GPC5: variants seen among roughly 807,000 people sequenced by gnomAD.
GPC5 encodes the protein glypican 5.
GPC5 carries 47 observed loss-of-function variants against 53.9 expected under a neutral mutation model. That is an observed-to-expected ratio of 0.87 (90% CI 0.69 to 1.11). The LOEUF (loss-of-function observed/expected upper bound fraction) is 1.11, where lower values mean the gene tolerates loss of function less well. Among genes scored for constraint, GPC5 ranks in the 50% most tolerant of loss-of-function variants. GPC5 has a pLI of 0.00. For missense variants in GPC5, 748 were observed against 713.1 expected (o/e 1.05, Z -0.56); for synonymous variants, 286 against 263.3 (o/e 1.09, Z -0.84).
At chr13:91,541,987 ATATTGTGATTT>A (rs1566489650) in intron 2 of GPC5, among the ~76,000 whole-genome samples, 2 of 149,254 alleles carry the variant, frequency 1.3e-5, no homozygotes, top group Non-Finnish European at 3.0e-5. Context: ...ATATTGTCAC[ATATTGTGATTT>A]TTTCCCATTT....
chr13:92,156,450 C>T (rs1379695708), intron 7 of GPC5, among the ~76,000 whole-genome samples: 3 of 152,108 alleles, frequency 2.0e-5, no homozygotes, highest in Admixed American at 6.5e-5. Context: ...TAACTTGCTG[C>T]ATTGCTTCCC....
Position 91,748,655 on chromosome 13 carries a change from G to A in GPC5, c.1155-7640G>A, listed in dbSNP as rs75647734. Among the ~76,000 whole-genome samples the A allele has an allele frequency of 1.2e-3, 183 of 152,266 alleles. 2 individuals carry two copies. Among genetic ancestry groups the A allele is most frequent in the African/African-American group, 4.1e-3 (171 of 41,548 alleles). On this transcript the variant is annotated intron_variant, in intron 4 of 7. Coordinates refer to ENST00000377067, the MANE Select transcript of GPC5 (RefSeq NM_004466.6). The stretch of plus-strand genomic sequence containing the variant: ...TTGGGAAGGTAGATTGGCATACAGG[G>A]GGATTATAATACTAGAGAGCAAGGG...
At chr13:91,762,411 A>G (rs1211193243) in intron 5 of GPC5, among the ~76,000 whole-genome samples, 1 of 149,780 alleles carries the variant, frequency 6.7e-6, no homozygotes, top group African/African-American at 2.5e-5. Context: ...CATTTTTCCT[A>G]TTTAACATCT....
intron 7 of GPC5, among the ~76,000 whole-genome samples, chr13:92,231,953 G>A (rs559868992): frequency 1.3e-5 from 2 of 152,182 alleles, no homozygotes; most frequent in South Asian, 4.1e-4. Context: ...GCAGAAGAGC[G>A]AAACTCCATC....
At chr13:92,613,535 A>G (rs1380627637) in intron 7 of GPC5, among the ~76,000 whole-genome samples, 1 of 124,360 alleles carries the variant, frequency 8.0e-6, no homozygotes, top group Non-Finnish European at 1.6e-5. Flanking sequence ...ATTTATATAT[A>G]AAATATAATA....
chr13:91,918,720 C>T (rs542805447), intron 6 of GPC5, among the ~76,000 whole-genome samples: 1 of 152,272 alleles, frequency 6.6e-6, no homozygotes, highest in South Asian at 2.1e-4. Context: ...TTTAACAGCA[C>T]TTATCCATGT....
chr13:92,387,625 G>T (rs1007839925), intron 7 of GPC5, among the ~76,000 whole-genome samples: 16 of 152,038 alleles, frequency 1.1e-4, no homozygotes, highest in Admixed American at 3.3e-4. Flanking sequence ...CCTGTGTGTG[G>T]GAATATATGA....
At chr13:92,131,584 T>C (rs2138962496) in intron 6 of GPC5, among the ~76,000 whole-genome samples, 1 of 152,168 alleles carries the variant, frequency 6.6e-6, no homozygotes, top group East Asian at 1.9e-4. Context: ...CAGGAGCATG[T>C]ATACTGCATG....
At chr13:91,689,112 G>A (rs1258776939) in intron 2 of GPC5, among the ~76,000 whole-genome samples, 1 of 142,926 alleles carries the variant, frequency 7.0e-6, no homozygotes, top group African/African-American at 2.6e-5. Flanking sequence ...TAGGCTACAG[G>A]GAGCTATGAT....
At chr13:91,662,077 A>T (rs1208241884) in intron 2 of GPC5, among the ~76,000 whole-genome samples, 1 of 152,198 alleles carries the variant, frequency 6.6e-6, no homozygotes, top group Non-Finnish European at 1.5e-5. Context: ...AAGCTATGAG[A>T]TTGGATGAGA....
intron 7 of GPC5, among the ~76,000 whole-genome samples, chr13:92,720,370 C>A (rs1594453188): frequency 6.6e-6 from 1 of 152,030 alleles, no homozygotes; most frequent in African/African-American, 2.4e-5. Flanking sequence ...TAAGCAGAGG[C>A]ATTTGGAAAT....
At chr13:91,881,585 C>T (rs1468286600) in intron 5 of GPC5, among the ~76,000 whole-genome samples, 3 of 152,110 alleles carry the variant, frequency 2.0e-5, no homozygotes, top group Non-Finnish European at 2.9e-5. Flanking sequence ...GACCTTTATA[C>T]ATCTATCTAT....
chr13:91,482,538 A>C (rs1883363282), intron 2 of GPC5, among the ~76,000 whole-genome samples: 2 of 152,216 alleles, frequency 1.3e-5, no homozygotes, highest in African/African-American at 4.8e-5. Flanking sequence ...ACATGTTAGA[A>C]ATAGATAACA....
intron 7 of GPC5, among the ~76,000 whole-genome samples, chr13:92,420,138 T>A (rs1374590863): frequency 6.6e-6 from 1 of 152,164 alleles, no homozygotes; most frequent in African/African-American, 2.4e-5. Flanking sequence ...TATTTTAAGT[T>A]TTTCTAGATA....
intron 2 of GPC5, among the ~76,000 whole-genome samples, chr13:91,559,695 G>T (rs1399535647): frequency 6.6e-6 from 1 of 152,022 alleles, no homozygotes; most frequent in East Asian, 1.9e-4. Context: ...GCCTCCTCCT[G>T]TGTCTGAGGT....
intron 7 of GPC5, among the ~76,000 whole-genome samples, chr13:92,438,383 AATATATATAT>A (rs66984887): frequency 5.7e-5 from 7 of 123,726 alleles, no homozygotes; most frequent in Non-Finnish European, 8.3e-5. Context: ...AAGCAAAATA[AATATATATAT>A]ATATATATAT....
At chr13:92,738,366 G>T (rs1030420651) in intron 7 of GPC5, among the ~76,000 whole-genome samples, 4 of 151,846 alleles carry the variant, frequency 2.6e-5, no homozygotes, top group Admixed American at 1.3e-4. Context: ...CAGATTATTT[G>T]CCCCTTCCTG....
chr13:92,214,665 C>A (rs1436928335), intron 7 of GPC5, among the ~76,000 whole-genome samples: 2 of 152,186 alleles, frequency 1.3e-5, no homozygotes, highest in South Asian at 2.1e-4. Flanking sequence ...TTCCCAACAA[C>A]CCCTGAGAGG....
intron 4 of GPC5, among the ~76,000 whole-genome samples, chr13:91,747,671 A>G (rs1003603114): frequency 3.3e-5 from 5 of 151,044 alleles, no homozygotes; most frequent in Non-Finnish European, 4.4e-5. Context: ...ACAATCTACT[A>G]ATGAGTGTGT....
Sources: allele counts gnomAD v4.1 joint callset (sites outside exome capture counted in the v4.1 genomes callset), GRCh38; gene constraint gnomAD v4.1.1; transcripts MANE v1.5; gene names NCBI Gene and HGNC (gene_info 2026-07-23, HGNC 2026-07-21).